The following ADGRG5 variants were observed in gnomAD, a reference collection of about 807,000 sequenced individuals.
ADGRG5 encodes the protein G protein-coupled receptor 114.
In ADGRG5, 37 loss-of-function variants were observed where a neutral mutation model predicts 53.2. That is an observed-to-expected ratio of 0.70 (90% CI 0.53 to 0.91). ADGRG5 has a LOEUF of 0.91. ADGRG5 is among the 40% of genes least tolerant of loss of function. The pLI is 0.00. For synonymous variants in ADGRG5, 277 were observed against 290.4 expected, an observed-to-expected ratio of 0.95 and a Z score of 0.47; for missense variants, 614 against 675.8, an observed-to-expected ratio of 0.91 and a Z score of 1.01.
At chr16:57,557,297 T>C (rs576458621) in intron 1 of ADGRG5, among the ~76,000 whole-genome samples, 1 of 152,344 alleles carries the variant, frequency 6.6e-6, no homozygotes, top group South Asian at 2.1e-4. Flanking sequence ...CATTATCATC[T>C]GGTTTTGATA....
intron 1 of ADGRG5, among the ~76,000 whole-genome samples, chr16:57,554,621 C>T (rs1189578838): frequency 6.6e-6 from 1 of 152,110 alleles, no homozygotes; most frequent in East Asian, 1.9e-4. Context: ...TGTGATCCGC[C>T]CACCTTGGCC....
At chr16:57,571,451 C>T (rs562449902) in intron 10 of ADGRG5, among the ~76,000 whole-genome samples, 9 of 152,078 alleles carry the variant, frequency 5.9e-5, no homozygotes, top group Non-Finnish European at 8.8e-5. Flanking sequence ...CGGGGGACTG[C>T]GTGCTACATA....
At chr16:57,575,296 C>T (rs2033485308) in intron 11 of ADGRG5, 142 bp from the exon 12 acceptor site, 5 of 917,476 alleles carry the variant, frequency 5.4e-6, no homozygotes, top group Non-Finnish European at 8.2e-6. Context: ...AGCTCTGAGG[C>T]TCTGCCCCTC....
Position 57,567,503 on chromosome 16 carries a change from C to T in ADGRG5, c.733C>T (p.Leu245=). Residue 245 remains leucine, a synonymous_variant, in exon 8 of 12, where the codon CTG becomes TTG. Coordinates refer to ENST00000349457, the MANE Select transcript of ADGRG5 (RefSeq NM_001304376.3). ...LSPALVPAEL[L]APLTYISLVG... is the part of the protein sequence containing the mutation. ...CCCAGCCCTGGTCCCTGCAGAGTTG[C>T]TGGCACCTCTTACGTACATCTCCCT... 2 of 1,610,948 alleles carry T rather than the reference C, an allele frequency of 1.2e-6. No individual in the cohort carries two copies. Among genetic ancestry groups the T allele is most frequent in the Non-Finnish European group, 8.5e-7 (1 of 1,179,898 alleles).
At chr16:57,540,099 T>C (rs143570543), upstream of ADGRG5, among the ~76,000 whole-genome samples, 741 of 151,996 alleles carry the variant, frequency 4.9e-3, 18 homozygotes, top group South Asian at 0.068. Context: ...AAAAATTCGC[T>C]GGGCGTGGTG....
chr16:57,568,973 TCATCACCTCCTCCACCTTCATCATCAC>T, intron 9 of ADGRG5, among the ~76,000 whole-genome samples: 1 of 113,776 alleles, frequency 8.8e-6, no homozygotes, highest in Admixed American at 8.5e-5. Flanking sequence ...ATCACCACCA[TCATCACCTCCTCCACCTTCATCATCAC>T]CATCACCTCC....
the ADGRG5 span, among the ~76,000 whole-genome samples, chr16:57,533,972 C>A: frequency 6.6e-6 from 1 of 152,318 alleles, no homozygotes; most frequent in South Asian, 2.1e-4. Context: ...GACCGGCCAC[C>A]ACAGGCCCCG....
At chr16:57,535,863 A>C in the ADGRG5 span, among the ~76,000 whole-genome samples, 1 of 152,072 alleles carries the variant, frequency 6.6e-6, no homozygotes, top group African/African-American at 2.4e-5. Flanking sequence ...CCCCCACAAG[A>C]GCCCTGGGAG....
chr16:57,530,510 C>T, the ADGRG5 span, among the ~76,000 whole-genome samples: 30 of 152,302 alleles, frequency 2.0e-4, no homozygotes, highest in East Asian at 1.9e-4. Context: ...CTGGCTGTCC[C>T]CAAGGCTGCC....
upstream of ADGRG5, among the ~76,000 whole-genome samples, chr16:57,539,420 G>A (rs1479124941): frequency 1.3e-5 from 2 of 150,732 alleles, no homozygotes; most frequent in Non-Finnish European, 2.9e-5. Context: ...TTGCATGACA[G>A]TGTAAAGGTA....
the ADGRG5 span, among the ~76,000 whole-genome samples, chr16:57,535,109 A>C: frequency 6.6e-6 from 1 of 152,226 alleles, no homozygotes; most frequent in Non-Finnish European, 1.5e-5. Context: ...CAGAAAGCAG[A>C]GCCCAGTGGG....
chr16:57,545,315 A>G (rs187975891), intron 1 of ADGRG5, among the ~76,000 whole-genome samples: 38 of 152,370 alleles, frequency 2.5e-4, no homozygotes, highest in African/African-American at 8.2e-4. Flanking sequence ...CCCAGTATCA[A>G]TGCAAATGGA....
intron 11 of ADGRG5, 37 bp downstream of exon 11, chr16:57,575,129 CA>C: frequency 1.3e-6 from 2 of 1,586,084 alleles, no homozygotes; most frequent in South Asian, 1.2e-5. Context: ...AGCTACCTGG[CA>C]GGGGGTGTAT....
chr16:57,532,727 A>G, the ADGRG5 span, among the ~76,000 whole-genome samples: 1 of 152,008 alleles, frequency 6.6e-6, no homozygotes, highest in South Asian at 2.1e-4. Flanking sequence ...ACACACACAC[A>G]CACACACAGA....
At chr16:57,542,401 G>A (rs1157254170), upstream of ADGRG5, 1 of 152,394 alleles carries the variant, frequency 6.6e-6, no homozygotes, top group African/African-American at 2.4e-5. Flanking sequence ...CACCTCCACA[G>A]AGGAGCAGCC....
chr16:57,547,456 T>C (rs1287545117), intron 1 of ADGRG5, among the ~76,000 whole-genome samples: 1 of 152,010 alleles, frequency 6.6e-6, no homozygotes, highest in Admixed American at 6.6e-5. Flanking sequence ...TTTGGTTTTG[T>C]TTTTTTTGAG....
At chr16:57,536,820 G>A in the ADGRG5 span, among the ~76,000 whole-genome samples, 1 of 152,308 alleles carries the variant, frequency 6.6e-6, no homozygotes, top group East Asian at 1.9e-4. Context: ...GTGAGGGGCC[G>A]AGAGTTGCGG....
intron 3 of ADGRG5, 73 bp downstream of exon 3, chr16:57,562,532 CTTAACTGTGCA>C (rs1175493263): frequency 2.1e-6 from 2 of 962,086 alleles, no homozygotes; most frequent in African/African-American, 3.3e-5. Context: ...AATGTAGACT[CTTAACTGTGCA>C]TTTCTTCAGC....
chr16:57,533,508 TCACA>T, the ADGRG5 span, among the ~76,000 whole-genome samples: 18 of 146,358 alleles, frequency 1.2e-4, no homozygotes, highest in Admixed American at 1.3e-4. Flanking sequence ...GGACCCGCAC[TCACA>T]CACAGCCCCA....
Sources: allele counts gnomAD v4.1 joint callset (sites outside exome capture counted in the v4.1 genomes callset), GRCh38; gene constraint gnomAD v4.1.1; transcripts MANE v1.5; gene names NCBI Gene and HGNC (gene_info 2026-07-23, HGNC 2026-07-21).